Variants in TBC1D7 observed in about 807,000 individuals in gnomAD.
TBC1D7 encodes TBC1 domain family member 7.
In TBC1D7, 33 loss-of-function variants were observed where a neutral mutation model predicts 35.3. The observed-to-expected ratio is 0.93, with a 90% CI of 0.71 to 1.25. The LOEUF is 1.25. TBC1D7 is among the 50% of genes most tolerant of loss of function. The probability of loss-of-function intolerance (pLI) is 0.00; values close to 1 mark genes in which losing one functional copy is unlikely to be tolerated. For missense variants in TBC1D7, 362 were observed against 365.3 expected (o/e 0.99, Z 0.07); for synonymous variants, 135 against 129.5 (o/e 1.04, Z -0.29).
chr6:13,327,964 A>G (rs1400338340), intron 1 of TBC1D7: 1 of 152,200 alleles, frequency 6.6e-6, no homozygotes, highest in East Asian at 1.9e-4. Flanking sequence ...CAGTCACAGG[A>G]AAGATTAGGA....
intron 5 of TBC1D7, among the ~76,000 whole-genome samples, chr6:13,310,155 A>C (rs1783090923): frequency 6.6e-6 from 1 of 152,226 alleles, no homozygotes; most frequent in Non-Finnish European, 1.5e-5. Context: ...TGATCCAGCC[A>C]ATCTATTTTC....
intron 2 of TBC1D7, among the ~76,000 whole-genome samples, chr6:13,325,617 C>T (rs1338785678): frequency 6.6e-6 from 1 of 152,174 alleles, no homozygotes; most frequent in Non-Finnish European, 1.5e-5. Flanking sequence ...GAGCCAAGAT[C>T]GTGCCACTGC....
intron 2 of TBC1D7, among the ~76,000 whole-genome samples, chr6:13,326,081 T>C (rs1450378152): frequency 6.6e-6 from 1 of 152,226 alleles, no homozygotes; most frequent in Non-Finnish European, 1.5e-5. Flanking sequence ...TACGGTTCAG[T>C]TTATTTTACT....
intron 5 of TBC1D7, among the ~76,000 whole-genome samples, chr6:13,311,808 CAAT>C (rs2127527478): frequency 6.6e-6 from 1 of 152,072 alleles, no homozygotes; most frequent in East Asian, 1.9e-4. Context: ...AAAAGAGCAA[CAAT>C]AAGAGACTTT....
At chr6:13,312,654 T>G (rs1382263242) in intron 5 of TBC1D7, among the ~76,000 whole-genome samples, 3 of 145,586 alleles carry the variant, frequency 2.1e-5, no homozygotes, top group Non-Finnish European at 4.5e-5. Context: ...ATCGCACCAC[T>G]GCACTCCAGC....
chr6:13,326,775 A>T lies in TBC1D7; in HGVS notation c.112+12T>A, dbSNP rs931607750. On this transcript the variant is annotated intron_variant, in intron 2 of 7. Coordinates refer to ENST00000379300, the MANE Select transcript of TBC1D7 (RefSeq NM_016495.6). The stretch of plus-strand genomic sequence containing the variant: ...TTGAGAACCAATGAGATTAATTTTT[A>T]AAAGTACTCACCCAGACGGTCATCT... The T allele has an allele frequency of 6.4e-7, 1 of 1,555,880 alleles. No individual in the cohort carries two copies. The highest frequency in any genetic ancestry group is 8.8e-7 in the Non-Finnish European group (1 of 1,132,170).
chr6:13,307,766 G>C (rs1486204255), intron 5 of TBC1D7, 21 bp from the exon 6 acceptor site: 1 of 1,604,626 alleles, frequency 6.2e-7, no homozygotes, highest in East Asian at 2.2e-5. Context: ...AGCAAGAACA[G>C]AGATTATTCA....
chr6:13,313,702 C>A (rs982762572), intron 5 of TBC1D7, among the ~76,000 whole-genome samples: 9 of 151,954 alleles, frequency 5.9e-5, no homozygotes, highest in Non-Finnish European at 1.3e-4. Flanking sequence ...GCCTTTCAAC[C>A]CTTAACTACA....
At chr6:13,312,906 G>A (rs1019949066) in intron 5 of TBC1D7, among the ~76,000 whole-genome samples, 2 of 151,714 alleles carry the variant, frequency 1.3e-5, no homozygotes, top group South Asian at 4.2e-4. Flanking sequence ...GGGTACAGTC[G>A]ACCCTCATAT....
In TBC1D7 at chr6:13,307,725, G is replaced by A; in HGVS notation, c.540C>T (p.Tyr180=). The A allele has an allele frequency of 6.2e-7, 1 of 1,613,992 alleles. No individual in the cohort carries two copies. Among genetic ancestry groups the A allele is most frequent in the Non-Finnish European group, 8.5e-7 (1 of 1,179,952 alleles). The change falls in exon 6 of 8, where the codon TAC becomes TAT. Residue 180 remains tyrosine (Y), a synonymous_variant. Transcript: ENST00000379300. ...LPQLPKAFEQ[Y]LNLEDGRLLT... is the part of the protein sequence containing the mutation. The stretch of plus-strand genomic sequence containing the variant: ...GCAGTCTGCCATCTTCCAGATTCAA[G>A]TATTGTTCAAACGCTTTTGGCTAAA...
Position 13,316,542 on chromosome 6 carries a change from A to G in TBC1D7, c.519+29T>C, listed in dbSNP as rs372013611. On this transcript the variant is annotated intron_variant, in intron 5 of 7. Coordinates refer to ENST00000379300, the MANE Select transcript of TBC1D7 (RefSeq NM_016495.6). Reference sequence around the variant, plus strand: ...CCCCCACTACCATTGTTCACTCTCCAATAGCCAAAAAAAAAAAAAAGCCCT... The same window carrying G: ...CCCCCACTACCATTGTTCACTCTCCGATAGCCAAAAAAAAAAAAAAGCCCT... 5 of 1,593,538 alleles carry G rather than the reference A, an allele frequency of 3.1e-6. No individual in the cohort carries two copies. The African/African-American group carries it at 5.9e-5, about 19-fold the overall frequency.
chr6:13,310,371 C>T (rs369471191), intron 5 of TBC1D7, among the ~76,000 whole-genome samples: 141 of 152,276 alleles, frequency 9.3e-4, no homozygotes, highest in African/African-American at 3.3e-3. Context: ...GGCGTGGTGG[C>T]TCACGCCTGT....
intron 5 of TBC1D7, among the ~76,000 whole-genome samples, chr6:13,312,749 G>A (rs1216847798): frequency 6.7e-6 from 1 of 149,910 alleles, no homozygotes; most frequent in Non-Finnish European, 1.5e-5. Context: ...TTTAATCTTG[G>A]GGTTGGAAAG....
In TBC1D7 at chr6:13,306,517, T is replaced by C. The variant is rs1386249853; in HGVS notation, c.676A>G (p.Lys226Glu). 4 of 1,597,660 alleles carry C rather than the reference T, an allele frequency of 2.5e-6. No homozygotes were observed. In the Admixed American group the frequency reaches 5.4e-5, roughly 22 times the overall value. Residue 226 changes from lysine (K) to glutamate (E), a missense_variant, in exon 7 of 8, where the codon AAA becomes GAA. Transcript: ENST00000379300. ...ATCTTACAGGATCCACTCACAACTT[T>C]ATCCCAAACCCTACAAAAATAAGGA... ...PESSLQRVWD[K>E]VVSGSCKILV...
chr6:13,306,344 A>G, intron 7 of TBC1D7, 54 bp downstream of exon 7: 1 of 1,531,420 alleles, frequency 6.5e-7, no homozygotes, highest in Non-Finnish European at 8.7e-7. Context: ...GGAAAATCTG[A>G]CTTGCTAAGG....
chr6:13,311,307 C>A (rs1359370093), intron 5 of TBC1D7, among the ~76,000 whole-genome samples: 1 of 152,184 alleles, frequency 6.6e-6, no homozygotes, highest in Non-Finnish European at 1.5e-5. Flanking sequence ...CTATGAGAGA[C>A]CTTGTCAAAA....
At chr6:13,311,308 C>T (rs1783193674) in intron 5 of TBC1D7, among the ~76,000 whole-genome samples, 1 of 152,162 alleles carries the variant, frequency 6.6e-6, no homozygotes, top group Non-Finnish European at 1.5e-5. Flanking sequence ...TATGAGAGAC[C>T]TTGTCAAAAA....
Position 13,305,071 on chromosome 6 carries a change from T to G in TBC1D7, c.*30A>C. The stretch of plus-strand genomic sequence containing the variant: ...AGAACACAATGCTCACTGTGGTGCC[T>G]GGCAGACGGTCCACAACCAGCGGGT... On this transcript the variant is annotated 3_prime_UTR_variant, in exon 8 of 8. Coordinates refer to ENST00000379300, the MANE Select transcript of TBC1D7 (RefSeq NM_016495.6). 1 of 1,560,882 alleles carries G rather than the reference T, an allele frequency of 6.4e-7. No homozygotes were observed. The highest frequency in any genetic ancestry group is 8.7e-7 in the Non-Finnish European group (1 of 1,145,076).
At chr6:13,315,398 G>T (rs998252190) in intron 5 of TBC1D7, among the ~76,000 whole-genome samples, 2 of 152,108 alleles carry the variant, frequency 1.3e-5, no homozygotes, top group African/African-American at 4.8e-5. Flanking sequence ...CTCATTACAG[G>T]AATATACTGA....
Sources: gnomAD v4.1 joint callset for allele counts (sites outside exome capture counted in the v4.1 genomes callset) on GRCh38, gnomAD v4.1.1 for gene constraint, MANE v1.5 for transcripts, NCBI Gene and HGNC (gene_info 2026-07-23, HGNC 2026-07-21) for gene names.